LRRC69: variants seen among roughly 807,000 people sequenced by gnomAD.
The protein encoded by LRRC69 is leucine-rich repeat-containing protein 69.
A neutral mutation model predicts 37.8 loss-of-function variants in LRRC69; 42 were observed. The observed-to-expected ratio is 1.11, with a 90% confidence interval of 0.87 to 1.44. LRRC69 has a LOEUF of 1.44. Among genes scored for constraint, LRRC69 ranks in the 40% most tolerant of loss-of-function variants. The pLI is 0.00. For synonymous variants in LRRC69, 141 were observed against 143.1 expected, an observed-to-expected ratio of 0.99 and a Z score of 0.11; for missense variants, 357 against 401.9, an observed-to-expected ratio of 0.89 and a Z score of 0.96.
At chr8:91,133,391 C>CT (rs1290620599) in intron 4 of LRRC69, 86 bp downstream of exon 4, 3 of 1,015,102 alleles carry the variant, frequency 3.0e-6, no homozygotes, top group Non-Finnish European at 4.1e-6. Flanking sequence ...ATTTGGGTAT[C>CT]TGAGTATAAG....
chr8:91,216,576 G>C (rs1471901047), intron 7 of LRRC69, among the ~76,000 whole-genome samples: 1 of 152,052 alleles, frequency 6.6e-6, no homozygotes, highest in Admixed American at 6.6e-5. Context: ...TTTAATTCTA[G>C]CTGAGATATG....
chr8:91,115,072 A>G (rs1182388857), intron 1 of LRRC69, among the ~76,000 whole-genome samples: 2 of 151,666 alleles, frequency 1.3e-5, no homozygotes, highest in African/African-American at 4.8e-5. Context: ...TGTAGGTCAA[A>G]GGGCACAAAG....
At chr8:91,168,431 G>A (rs374423254) in intron 5 of LRRC69, among the ~76,000 whole-genome samples, 48 of 151,984 alleles carry the variant, frequency 3.2e-4, no homozygotes, top group African/African-American at 1.1e-3. Context: ...TCTGGCTAGG[G>A]AAAAATAAAT....
chr8:91,176,134 A>ATATATATATATTTTT lies in LRRC69; in HGVS notation c.652-13387_652-13386insATATATATATTTTTT. Among the ~76,000 whole-genome samples, 204 of 75,674 alleles carry ATATATATATATTTTT rather than the reference A, an allele frequency of 2.7e-3. 2 individuals carry two copies. The highest frequency in any genetic ancestry group is 3.6e-3 in the African/African-American group (59 of 16,424). 49.6% of individuals were successfully genotyped at this position (75,674 alleles called of 152,430 possible). Reference sequence around the variant, plus strand: ...ATCCCTCATATATATATATATATATATTTTTTTTTTTTCTTTTTTTTGAGA... The same window carrying ATATATATATATTTTT: ...ATCCCTCATATATATATATATATATATATATATATATTTTTTTTTTTTTTTTTCTTTTTTTTGAGA... On this transcript the variant is annotated intron_variant, in intron 5 of 7. Transcript: ENST00000448384.
At chr8:91,158,824 A>G (rs1194421213) in intron 5 of LRRC69, 3 of 700,700 alleles carry the variant, frequency 4.3e-6, no homozygotes, top group Non-Finnish European at 2.6e-6. Flanking sequence ...GTGAAAGTGT[A>G]AAATAGAATG....
chr8:91,159,398 A>G (rs975463613), intron 5 of LRRC69, among the ~76,000 whole-genome samples: 4 of 151,256 alleles, frequency 2.6e-5, no homozygotes, highest in East Asian at 1.9e-4. Context: ...CAGATGTCAC[A>G]TAAGTAGAAT....
intron 5 of LRRC69, chr8:91,158,091 A>G: frequency 6.6e-7 from 1 of 1,513,028 alleles, no homozygotes; most frequent in Non-Finnish European, 9.2e-7. Flanking sequence ...CATGGGGTAC[A>G]AACGGAGAGT....
chr8:91,192,151 C>T (rs1380106213), intron 6 of LRRC69, among the ~76,000 whole-genome samples: 3 of 151,984 alleles, frequency 2.0e-5, no homozygotes, highest in Non-Finnish European at 4.4e-5. Flanking sequence ...CAATTTCATC[C>T]ATGTCCCTAC....
chr8:91,155,212 T>A (rs1244255634), intron 5 of LRRC69, among the ~76,000 whole-genome samples: 1 of 149,358 alleles, frequency 6.7e-6, no homozygotes, highest in Non-Finnish European at 1.5e-5. Flanking sequence ...TCTATTATTT[T>A]AACTGACTAC....
At chr8:91,178,381 C>T (rs4504594) in intron 5 of LRRC69, among the ~76,000 whole-genome samples, 102,951 of 152,082 alleles carry the variant, frequency 0.68, 35,322 homozygotes, top group African/African-American at 0.74. Context: ...TTCTGAGTTA[C>T]CTTTTATTCT....
chr8:91,116,901 A>G (rs558075795), intron 1 of LRRC69, among the ~76,000 whole-genome samples: 2 of 152,192 alleles, frequency 1.3e-5, no homozygotes, highest in East Asian at 3.9e-4. Flanking sequence ...ATATCACTAT[A>G]CATTGAACCT....
chr8:91,189,684 C>A (rs1328401554), intron 6 of LRRC69, 61 bp downstream of exon 6: 2 of 1,186,016 alleles, frequency 1.7e-6, no homozygotes, highest in African/African-American at 3.1e-5. Context: ...AATTTTAAAG[C>A]GTTTTCTTTT....
intron 7 of LRRC69, among the ~76,000 whole-genome samples, chr8:91,209,274 A>C (rs544152997): frequency 5.9e-4 from 90 of 152,050 alleles, no homozygotes; most frequent in African/African-American, 1.9e-3. Flanking sequence ...TAAAAACACA[A>C]AAAAATTAGC....
intron 5 of LRRC69, among the ~76,000 whole-genome samples, chr8:91,150,964 AT>A (rs1238275329): frequency 6.6e-6 from 1 of 151,360 alleles, no homozygotes; most frequent in East Asian, 1.9e-4. Context: ...TGTCTGTTTC[AT>A]TCTTCTCTCT....
intron 5 of LRRC69, chr8:91,158,635 A>C: frequency 7.1e-7 from 1 of 1,413,830 alleles, no homozygotes; most frequent in South Asian, 1.2e-5. Context: ...CAAACCCTAG[A>C]AATGTTTCCA....
intron 1 of LRRC69, among the ~76,000 whole-genome samples, chr8:91,105,278 T>A (rs981925720): frequency 4.0e-5 from 6 of 151,822 alleles, no homozygotes; most frequent in Non-Finnish European, 7.4e-5. Flanking sequence ...TTTCCCTATG[T>A]AATGGGAGTT....
At chr8:91,166,967 C>T (rs1809041326) in intron 5 of LRRC69, among the ~76,000 whole-genome samples, 1 of 150,406 alleles carries the variant, frequency 6.6e-6, no homozygotes, top group Non-Finnish European at 1.5e-5. Flanking sequence ...TGCCTTTGCC[C>T]ACTTTGCTGG....
At chr8:91,163,368 T>A (rs1242949935) in intron 5 of LRRC69, among the ~76,000 whole-genome samples, 11 of 151,484 alleles carry the variant, frequency 7.3e-5, no homozygotes, top group African/African-American at 2.7e-4. Flanking sequence ...CCAAGAGCAG[T>A]CCTTGGCAAA....
chr8:91,120,791 T>C (rs1446091221), intron 1 of LRRC69, among the ~76,000 whole-genome samples: 1 of 152,084 alleles, frequency 6.6e-6, no homozygotes, highest in Non-Finnish European at 1.5e-5. Flanking sequence ...AGTCAGTTCC[T>C]CTGCTGGGCT....
Sources: gnomAD v4.1 joint callset for allele counts (sites outside exome capture counted in the v4.1 genomes callset) on GRCh38, gnomAD v4.1.1 for gene constraint, MANE v1.5 for transcripts, NCBI Gene and HGNC (gene_info 2026-07-23, HGNC 2026-07-21) for gene names.